The following BICC1 variants were observed in gnomAD, a reference collection of about 807,000 sequenced individuals.
The protein encoded by BICC1 is protein bicaudal C homolog 1.
BICC1 carries 43 observed loss-of-function variants against 111.0 expected under a neutral mutation model. That is an observed-to-expected ratio of 0.39 (90% confidence interval 0.30 to 0.50). The LOEUF is 0.50. Among genes scored for constraint, BICC1 ranks in the 20% least tolerant of loss-of-function variants. The pLI, the probability that BICC1 is intolerant of heterozygous loss-of-function variation, is 0.88. For synonymous variants in BICC1, 467 were observed against 434.4 expected (o/e 1.07, Z -0.93); for missense variants, 1,091 against 1,203.2 (o/e 0.91, Z 1.38).
chr10:58,681,644 G>A (rs1260199807), intron 2 of BICC1, among the ~76,000 whole-genome samples: 4 of 151,326 alleles, frequency 2.6e-5, no homozygotes, highest in East Asian at 2.0e-4. Context: ...CAGTGTGCCT[G>A]GAATTGGTTC....
At chr10:58,690,480 AC>A (rs1183051955) in intron 2 of BICC1, among the ~76,000 whole-genome samples, 1 of 152,008 alleles carries the variant, frequency 6.6e-6, no homozygotes, top group Middle Eastern at 3.2e-3. Context: ...CCTCTTGTTG[AC>A]CCTTGTAGGC....
At chr10:58,643,706 C>T (rs546788412) in intron 2 of BICC1, among the ~76,000 whole-genome samples, 16 of 152,282 alleles carry the variant, frequency 1.1e-4, no homozygotes, top group African/African-American at 3.9e-4. Context: ...AAGATTTGTA[C>T]ACAACACACA....
intron 2 of BICC1, among the ~76,000 whole-genome samples, chr10:58,670,574 G>T (rs749856889): frequency 6.6e-6 from 1 of 152,158 alleles, no homozygotes; most frequent in Non-Finnish European, 1.5e-5. Flanking sequence ...GGGACAGGCA[G>T]TGGTCAAGGA....
chr10:58,744,933 A>G, intron 3 of BICC1, among the ~76,000 whole-genome samples: 1 of 152,158 alleles, frequency 6.6e-6, no homozygotes, highest in South Asian at 2.1e-4. Flanking sequence ...GAAATGAGAA[A>G]GATTGACCCA....
At chr10:58,596,637 T>C (rs982718843) in intron 1 of BICC1, among the ~76,000 whole-genome samples, 1 of 152,344 alleles carries the variant, frequency 6.6e-6, no homozygotes, top group Admixed American at 6.5e-5. Context: ...GCAGATGACA[T>C]GATTGTGTAT....
At chr10:58,651,019 C>G (rs781122634) in intron 2 of BICC1, among the ~76,000 whole-genome samples, 1 of 151,992 alleles carries the variant, frequency 6.6e-6, no homozygotes, top group Non-Finnish European at 1.5e-5. Context: ...TACTGGGCTC[C>G]CTCCTCACCC....
intron 1 of BICC1, among the ~76,000 whole-genome samples, chr10:58,598,365 C>T (rs1198827827): frequency 6.6e-6 from 1 of 152,136 alleles, no homozygotes; most frequent in East Asian, 1.9e-4. Context: ...ACATCTACAA[C>T]CATCTGATCT....
chr10:58,810,924 G>T (rs538729742), intron 17 of BICC1, among the ~76,000 whole-genome samples: 48 of 152,176 alleles, frequency 3.2e-4, no homozygotes, highest in Non-Finnish European at 3.7e-4. Context: ...TGCTCACTCG[G>T]TGTGCCAGGG....
At chr10:58,788,274 G>A (rs1843069178) in intron 5 of BICC1, 96 bp from the exon 6 acceptor site, 1 of 899,234 alleles carries the variant, frequency 1.1e-6, no homozygotes, top group African/African-American at 1.7e-5. Context: ...ATTTGTCCCT[G>A]GATGACACTT....
rs149824506 is a variant in BICC1 at position 58,614,143 on chromosome 10, G to A, written c.191-6712G>A. Among the ~76,000 whole-genome samples, 328 of 152,238 alleles carry A rather than the reference G, an allele frequency of 2.2e-3. 4 individuals carry two copies. Among genetic ancestry groups the A allele is most frequent in the Admixed American group, 0.02 (302 of 15,288 alleles). ...CTCAAATTTGGGCTCAGAAGAATCC[G>A]TGTTTGGGGGAAGAGAAGAAGACTT... On this transcript the variant is annotated intron_variant, in intron 1 of 20. Transcript: ENST00000373886.
At chr10:58,754,026 G>A (rs544617989) in intron 3 of BICC1, among the ~76,000 whole-genome samples, 4 of 152,182 alleles carry the variant, frequency 2.6e-5, no homozygotes, top group East Asian at 1.9e-4. Flanking sequence ...AAATTTTGAG[G>A]TATTAGGTGT....
chr10:58,605,062 GGGTTA>G (rs914557215), intron 1 of BICC1, among the ~76,000 whole-genome samples: 4 of 152,154 alleles, frequency 2.6e-5, no homozygotes, highest in African/African-American at 7.2e-5. Flanking sequence ...ATTACCTTGG[GGGTTA>G]GCATTTCAGC....
chr10:58,767,435 C>T (rs1481652477), intron 3 of BICC1, among the ~76,000 whole-genome samples: 1 of 152,058 alleles, frequency 6.6e-6, no homozygotes, highest in African/African-American at 2.4e-5. Context: ...GAAGGAGTTC[C>T]TCTCCCCAAA....
chr10:58,706,033 G>A (rs1345579489), intron 3 of BICC1, among the ~76,000 whole-genome samples: 1 of 152,122 alleles, frequency 6.6e-6, no homozygotes, highest in African/African-American at 2.4e-5. Flanking sequence ...TCTGTATCAC[G>A]TAAATTTATT....
intron 3 of BICC1, among the ~76,000 whole-genome samples, chr10:58,744,605 T>C (rs1256049184): frequency 6.6e-6 from 1 of 152,154 alleles, no homozygotes; most frequent in East Asian, 1.9e-4. Flanking sequence ...TGTTGTTTAA[T>C]ATTTTATTTT....
chr10:58,568,034 T>C (rs1031573112), intron 1 of BICC1, among the ~76,000 whole-genome samples: 1 of 152,186 alleles, frequency 6.6e-6, no homozygotes, highest in African/African-American at 2.4e-5. Context: ...AGTGATCATT[T>C]TGCAGTCAGT....
intron 2 of BICC1, among the ~76,000 whole-genome samples, chr10:58,661,300 A>G (rs896318062): frequency 3.3e-5 from 5 of 149,588 alleles, no homozygotes; most frequent in African/African-American, 1.2e-4. Flanking sequence ...GTATTCAGTT[A>G]GTTCCATGTC....
intron 20 of BICC1, among the ~76,000 whole-genome samples, chr10:58,827,559 G>A (rs527885025): frequency 1.3e-5 from 2 of 152,282 alleles, no homozygotes; most frequent in South Asian, 2.1e-4. Flanking sequence ...ACTTGATGGC[G>A]ATGCATGTTT....
chr10:58,793,474 C>T lies in BICC1; in HGVS notation c.1048-10C>T. 6.2e-7 allele frequency: 1 copy of T among 1,606,784 alleles called. No individual in the cohort carries two copies. The highest frequency in any genetic ancestry group is 1.1e-5 in the South Asian group (1 of 89,856). On this transcript the variant is annotated splice_polypyrimidine_tract_variant and intron_variant, in intron 8 of 20. Transcript: ENST00000373886. Reference sequence around the variant, plus strand: ...TTACCTCCTACACATTCTATTGTGACATTTTCTAGGGTTGTCTTCCTCTTG... The same window carrying T: ...TTACCTCCTACACATTCTATTGTGATATTTTCTAGGGTTGTCTTCCTCTTG...
Sources: gnomAD v4.1 joint callset for allele counts (sites outside exome capture counted in the v4.1 genomes callset) on GRCh38, gnomAD v4.1.1 for gene constraint, MANE v1.5 for transcripts, NCBI Gene and HGNC (gene_info 2026-07-23, HGNC 2026-07-21) for gene names.